MDGA2: variants seen among roughly 807,000 people sequenced by gnomAD.
MDGA2 encodes the protein MAM domain containing glycosylphosphatidylinositol anchor 2.
A neutral mutation model predicts 117.8 loss-of-function variants in MDGA2; 40 were observed. That is an observed-to-expected ratio of 0.34 (90% CI 0.26 to 0.44). The LOEUF is 0.44. Among genes scored for constraint, MDGA2 ranks in the 20% least tolerant of loss-of-function variants. MDGA2 has a pLI of 1.00. For synonymous variants in MDGA2, 452 were observed against 439.0 expected (o/e 1.03, Z -0.37); for missense variants, 1,123 against 1,250.6 (o/e 0.90, Z 1.54).
intron 9 of MDGA2, among the ~76,000 whole-genome samples, chr14:46,950,914 T>C (rs1365342947): frequency 6.6e-6 from 1 of 151,940 alleles, no homozygotes; most frequent in Non-Finnish European, 1.5e-5. Flanking sequence ...TATTTTGATG[T>C]GGAGTCAAAT....
chr14:47,606,183 C>T (rs1280379390), intron 1 of MDGA2, among the ~76,000 whole-genome samples: 1 of 152,172 alleles, frequency 6.6e-6, no homozygotes, highest in Non-Finnish European at 1.5e-5. Context: ...TCCATACTCA[C>T]TATTATGTCC....
At chr14:47,501,382 A>G (rs1200573995) in intron 1 of MDGA2, among the ~76,000 whole-genome samples, 1 of 152,194 alleles carries the variant, frequency 6.6e-6, no homozygotes, top group Non-Finnish European at 1.5e-5. Context: ...TATTTCAAAT[A>G]TCTACTAAGA....
chr14:47,097,234 C>T lies in MDGA2; in HGVS notation c.926-111G>A, dbSNP rs1472750849. On this transcript the variant is annotated intron_variant, in intron 5 of 16. Transcript: ENST00000399232. Reference sequence around the variant, plus strand: ...AAAAATTAAAATGAAATATAGTCCTCTTTTGCCAAAATCATACTGTATTAC... The same window carrying T: ...AAAAATTAAAATGAAATATAGTCCTTTTTTGCCAAAATCATACTGTATTAC... The T allele has an allele frequency of 1.0e-5, 12 of 1,169,548 alleles. No individual in the cohort carries two copies. In the African/African-American group the frequency reaches 1.1e-4, roughly 11 times the overall value. The allele number at this position is 1,169,548 out of a possible 1,614,324, so 72.4% of individuals were successfully genotyped here.
intron 7 of MDGA2, among the ~76,000 whole-genome samples, chr14:47,047,945 T>A (rs1008971722): frequency 6.6e-6 from 1 of 152,020 alleles, no homozygotes; most frequent in Non-Finnish European, 1.5e-5. Flanking sequence ...GAATAAACCT[T>A]TTCTAATCTG....
chr14:47,644,729 G>C (rs1323352777), intron 1 of MDGA2, among the ~76,000 whole-genome samples: 1 of 151,620 alleles, frequency 6.6e-6, no homozygotes, highest in African/African-American at 2.4e-5. Context: ...TTATCATAAA[G>C]AAATGATAAA....
At chr14:47,532,911 C>A (rs1480228211) in intron 1 of MDGA2, among the ~76,000 whole-genome samples, 1 of 152,180 alleles carries the variant, frequency 6.6e-6, no homozygotes, top group African/African-American at 2.4e-5. Context: ...TTGGAATAGG[C>A]TGCATCTTAG....
In MDGA2 at chr14:47,127,018, TA is replaced by T. The variant is rs1881937818; in HGVS notation, c.925+4695del. Among the ~76,000 whole-genome samples, 3 of 152,188 alleles carry T rather than the reference TA, an allele frequency of 2.0e-5. No homozygotes were observed. The South Asian group carries it at 6.2e-4, about 31-fold the overall frequency. On this transcript the variant is annotated intron_variant, in intron 5 of 16. Coordinates refer to ENST00000399232, the MANE Select transcript of MDGA2 (RefSeq NM_001113498.3). ...ACCAAAAGTACATTGATTAGCCAAT[TA>T]TTTGACATTCATTGAAAGAATAATT... is the stretch of plus-strand genomic sequence containing the variant.
At chr14:47,507,932 C>A (rs1042823036) in intron 1 of MDGA2, among the ~76,000 whole-genome samples, 2 of 152,202 alleles carry the variant, frequency 1.3e-5, no homozygotes, top group Non-Finnish European at 2.9e-5. Context: ...TTAATGTAGT[C>A]CAGCTCATCC....
chr14:46,939,385 A>T (rs1954236), intron 9 of MDGA2, among the ~76,000 whole-genome samples: 5,568 of 152,204 alleles, frequency 0.037, 357 homozygotes, highest in African/African-American at 0.13. Context: ...AAATAAGTAA[A>T]ATTATTATAA....
At chr14:47,604,979 G>T (rs1214862409) in intron 1 of MDGA2, among the ~76,000 whole-genome samples, 3 of 150,962 alleles carry the variant, frequency 2.0e-5, no homozygotes, top group South Asian at 4.2e-4. Context: ...CAAATTCATG[G>T]TTTTTTTTTA....
chr14:47,105,058 G>C (rs1050261362), intron 5 of MDGA2, among the ~76,000 whole-genome samples: 1 of 152,062 alleles, frequency 6.6e-6, no homozygotes, highest in East Asian at 1.9e-4. Flanking sequence ...TTGCAGGGAC[G>C]CCTCTCTGAT....
At chr14:47,242,989 A>G (rs1158590992) in intron 2 of MDGA2, among the ~76,000 whole-genome samples, 4 of 150,746 alleles carry the variant, frequency 2.7e-5, no homozygotes, top group Non-Finnish European at 4.4e-5. Context: ...GTTTAGCTCA[A>G]GGTTTGTGAG....
intron 8 of MDGA2, among the ~76,000 whole-genome samples, chr14:46,961,804 G>C (rs1462945203): frequency 1.3e-5 from 2 of 151,840 alleles, no homozygotes; most frequent in Non-Finnish European, 2.9e-5. Context: ...CACCACACCT[G>C]GCTAATTTTT....
At chr14:46,845,974 G>A in intron 15 of MDGA2, 103 bp from the exon 16 acceptor site, 2 of 790,958 alleles carry the variant, frequency 2.5e-6, no homozygotes, top group Admixed American at 2.5e-5. Context: ...AGTAATCCTG[G>A]CATCTTTTAT....
chr14:47,071,271 C>T (rs1890270522), intron 6 of MDGA2, among the ~76,000 whole-genome samples: 1 of 152,130 alleles, frequency 6.6e-6, no homozygotes, highest in Admixed American at 6.5e-5. Context: ...AAGCTATCTT[C>T]TCCAATGTGG....
At chr14:47,540,066 G>A (rs1296105299) in intron 1 of MDGA2, among the ~76,000 whole-genome samples, 1 of 152,014 alleles carries the variant, frequency 6.6e-6, no homozygotes, top group Non-Finnish European at 1.5e-5. Flanking sequence ...AGGCTGGAGT[G>A]CGGTGGCACG....
At chr14:46,884,000 G>C (rs1371930659) in intron 10 of MDGA2, among the ~76,000 whole-genome samples, 1 of 151,732 alleles carries the variant, frequency 6.6e-6, no homozygotes, top group South Asian at 2.1e-4. Context: ...CCTTTTATTT[G>C]CTTGGTTATT....
chr14:46,863,397 A>G (rs1595002886), intron 14 of MDGA2, among the ~76,000 whole-genome samples: 1 of 152,276 alleles, frequency 6.6e-6, no homozygotes, highest in East Asian at 1.9e-4. Flanking sequence ...TTTGTCATTT[A>G]TTCTCTATAG....
intron 1 of MDGA2, among the ~76,000 whole-genome samples, chr14:47,600,098 T>C (rs1265207224): frequency 1.3e-5 from 2 of 152,052 alleles, no homozygotes; most frequent in Non-Finnish European, 2.9e-5. Context: ...TTTTCTCTTC[T>C]ATAATATTGC....
Sources: allele counts gnomAD v4.1 joint callset (sites outside exome capture counted in the v4.1 genomes callset), GRCh38; gene constraint gnomAD v4.1.1; transcripts MANE v1.5; gene names NCBI Gene and HGNC (gene_info 2026-07-23, HGNC 2026-07-21).